ESRRB: variants seen among roughly 807,000 people sequenced by gnomAD.
ESRRB encodes the protein steroid hormone receptor ERR2.
Under a neutral mutation model 46.0 loss-of-function variants are expected in ESRRB, and 16 were observed. The ratio of observed to expected loss-of-function variants is 0.35; its 90% CI spans 0.24 to 0.53. The LOEUF (loss-of-function observed/expected upper bound fraction) is 0.53, where lower values mean the gene tolerates loss of function less well. ESRRB is among the 20% of genes least tolerant of loss of function. The probability of loss-of-function intolerance (pLI) is 0.93; values close to 1 mark genes in which losing one functional copy is unlikely to be tolerated. For synonymous variants in ESRRB, 246 were observed against 259.6 expected, an observed-to-expected ratio of 0.95 and a Z score of 0.50; for missense variants, 488 against 607.4, an observed-to-expected ratio of 0.80 and a Z score of 2.07.
chr14:76,365,852 A>G (rs1884515800), intron 1 of ESRRB, among the ~76,000 whole-genome samples: 1 of 152,206 alleles, frequency 6.6e-6, no homozygotes, highest in Non-Finnish European at 1.5e-5. Context: ...GATAATTAAA[A>G]ACACTCTGAC....
intron 3 of ESRRB, among the ~76,000 whole-genome samples, chr14:76,468,407 A>T (rs1595149007): frequency 2.2e-5 from 1 of 46,430 alleles, no homozygotes; most frequent in African/African-American, 1.0e-4. Flanking sequence ...CCCCAACACC[A>T]CCACCCCCCA....
intron 1 of ESRRB, among the ~76,000 whole-genome samples, chr14:76,391,211 G>A (rs865920628): frequency 1.3e-5 from 2 of 152,218 alleles, no homozygotes; most frequent in African/African-American, 2.4e-5. Flanking sequence ...GCAGAGGCCA[G>A]GAAAGAGCAA....
intron 1 of ESRRB, among the ~76,000 whole-genome samples, chr14:76,395,214 A>G (rs1381914145): frequency 2.0e-5 from 3 of 152,146 alleles, no homozygotes; most frequent in Admixed American, 2.0e-4. Flanking sequence ...GCCTCATTCC[A>G]TGGCTGGCAT....
At chr14:76,349,865 G>A (rs1049055521) in intron 1 of ESRRB, among the ~76,000 whole-genome samples, 2 of 152,194 alleles carry the variant, frequency 1.3e-5, no homozygotes, top group African/African-American at 4.8e-5. Flanking sequence ...AGCCTTTGCA[G>A]CTAGGAAAAT....
At chr14:76,340,832 T>C (rs78806017) in intron 1 of ESRRB, among the ~76,000 whole-genome samples, 2,806 of 152,288 alleles carry the variant, frequency 0.018, 77 homozygotes, top group African/African-American at 0.064. Context: ...GGGCTCTGGC[T>C]TGGAGGTGAT....
intron 2 of ESRRB, among the ~76,000 whole-genome samples, chr14:76,445,388 T>A (rs564084694): frequency 7.4e-5 from 11 of 148,318 alleles, no homozygotes; most frequent in African/African-American, 2.7e-4. Flanking sequence ...GGAGAATTGC[T>A]TGAACCCGGG....
At chr14:76,442,214 G>A (rs1223904295) in intron 2 of ESRRB, among the ~76,000 whole-genome samples, 1 of 152,144 alleles carries the variant, frequency 6.6e-6, no homozygotes, top group African/African-American at 2.4e-5. Context: ...GGTGGCTCAC[G>A]CCTGTAATCC....
chr14:76,385,532 G>C (rs1180236028), intron 1 of ESRRB, among the ~76,000 whole-genome samples: 2 of 152,168 alleles, frequency 1.3e-5, no homozygotes, highest in African/African-American at 4.8e-5. Flanking sequence ...GAGTGTTTGG[G>C]GGTGGCTTGA....
chr14:76,459,944 G>C, intron 2 of ESRRB, among the ~76,000 whole-genome samples: 1 of 151,522 alleles, frequency 6.6e-6, no homozygotes, highest in East Asian at 1.9e-4. Context: ...AGGGAGGGAG[G>C]ATAGCTAGCC....
intron 3 of ESRRB, among the ~76,000 whole-genome samples, chr14:76,464,759 T>G (rs1889036252): frequency 6.6e-6 from 1 of 152,186 alleles, no homozygotes; most frequent in South Asian, 2.1e-4. Context: ...CCCAAACTAG[T>G]GGCTGAACTG....
upstream of ESRRB, among the ~76,000 whole-genome samples, chr14:76,368,941 A>C (rs149424659): frequency 0.014 from 2,087 of 152,230 alleles, 50 homozygotes; most frequent in African/African-American, 0.048. Context: ...TCACGCCTGT[A>C]ATCCCAGCAC....
rs1890585647 is a variant in ESRRB, at chr14:76,499,685, A to T, written c.*1227A>T. The T allele has an allele frequency of 1.5e-6, 1 of 680,160 alleles. No homozygotes were observed. The highest frequency in any genetic ancestry group is 1.8e-5 in the African/African-American group (1 of 56,738). The allele number at this position is 680,160 out of a possible 1,614,324, so 42.1% of individuals were successfully genotyped here. On this transcript the variant is annotated 3_prime_UTR_variant, in exon 7 of 7. Coordinates refer to ENST00000644823, the MANE Select transcript of ESRRB (RefSeq NM_001379180.1). ...GCCAGCTCTCTGGCAGGACCCCTGCAGTCCCCCTGGCTGTGCCAGGTAACC... is the reference window on the plus strand; with the variant it reads ...GCCAGCTCTCTGGCAGGACCCCTGCTGTCCCCCTGGCTGTGCCAGGTAACC...
chr14:76,343,776 T>C (rs547176822), intron 1 of ESRRB, among the ~76,000 whole-genome samples: 1 of 152,378 alleles, frequency 6.6e-6, no homozygotes, highest in Non-Finnish European at 1.5e-5. Context: ...ATTCTGTTGA[T>C]TAAGCTAGTT....
chr14:76,392,484 G>A (rs957563131), intron 1 of ESRRB, among the ~76,000 whole-genome samples: 4 of 152,186 alleles, frequency 2.6e-5, no homozygotes, highest in Admixed American at 6.5e-5. Flanking sequence ...CCAAGGTGGC[G>A]CAGTGGATCC....
intron 1 of ESRRB, among the ~76,000 whole-genome samples, chr14:76,360,781 G>T (rs963962480): frequency 6.6e-6 from 1 of 152,172 alleles, no homozygotes; most frequent in East Asian, 1.9e-4. Flanking sequence ...CTTAACAGTT[G>T]ATAGATAAAG....
chr14:76,321,244 G>C (rs11625989), intron 1 of ESRRB, among the ~76,000 whole-genome samples: 8,444 of 152,050 alleles, frequency 0.056, 318 homozygotes, highest in Middle Eastern at 0.14. Flanking sequence ...TTGATCTCAG[G>C]CCTTCCCTAT....
At chr14:76,322,473 A>C (rs1883879507) in intron 1 of ESRRB, among the ~76,000 whole-genome samples, 1 of 152,102 alleles carries the variant, frequency 6.6e-6, no homozygotes, top group Non-Finnish European at 1.5e-5. Context: ...TCCTGGCCCC[A>C]TCTCCTGCCC....
intron 1 of ESRRB, among the ~76,000 whole-genome samples, chr14:76,351,454 C>T (rs538487889): frequency 6.6e-6 from 1 of 152,342 alleles, no homozygotes; most frequent in Non-Finnish European, 1.5e-5. Context: ...ATGTCTGTGT[C>T]ATCCCCATGT....
chr14:76,379,881 C>T (rs1411086590), intron 1 of ESRRB, among the ~76,000 whole-genome samples: 1 of 129,976 alleles, frequency 7.7e-6, no homozygotes, highest in Non-Finnish European at 1.7e-5. Context: ...AAAAAAAGCA[C>T]AGAGAAACAA....
Sources: gnomAD v4.1 joint callset for allele counts (sites outside exome capture counted in the v4.1 genomes callset) on GRCh38, gnomAD v4.1.1 for gene constraint, MANE v1.5 for transcripts, NCBI Gene and HGNC (gene_info 2026-07-23, HGNC 2026-07-21) for gene names.